The following DICER1 variants were observed in gnomAD, a reference collection of about 807,000 sequenced individuals.
DICER1 encodes dicer 1, ribonuclease III, also known as endoribonuclease Dicer.
In DICER1, 43 loss-of-function variants were observed where a neutral mutation model predicts 194.1. That is an observed-to-expected ratio of 0.22 (90% confidence interval 0.17 to 0.29). The LOEUF is 0.29. Among genes scored for constraint, DICER1 ranks in the 10% least tolerant of loss-of-function variants. The probability of loss-of-function intolerance (pLI) is 1.00; values close to 1 mark genes in which losing one functional copy is unlikely to be tolerated. For synonymous variants in DICER1, 832 were observed against 820.5 expected (o/e 1.01, Z -0.24); for missense variants, 1,608 against 2,317.0 (o/e 0.69, Z 6.28).
intron 13 of DICER1, among the ~76,000 whole-genome samples, chr14:95,111,748 G>A (rs985404365): frequency 1.3e-5 from 2 of 150,836 alleles, no homozygotes; most frequent in South Asian, 2.1e-4. Flanking sequence ...ATAGAAAATG[G>A]GTCCACTTAT....
intron 12 of DICER1, 37 bp from the exon 13 acceptor site, chr14:95,112,284 A>G (rs1372910716): frequency 1.3e-6 from 2 of 1,533,980 alleles, no homozygotes; most frequent in South Asian, 1.1e-5. Flanking sequence ...ATATATGCAC[A>G]TCGCTGTATT....
chr14:95,130,664 T>C (rs575576382), intron 4 of DICER1, among the ~76,000 whole-genome samples: 2 of 152,364 alleles, frequency 1.3e-5, no homozygotes, highest in African/African-American at 4.8e-5. Flanking sequence ...AGCACACTAG[T>C]AGGCTGGGCT....
intron 1 of DICER1, among the ~76,000 whole-genome samples, chr14:95,148,922 T>C (rs998774399): frequency 6.6e-6 from 1 of 152,184 alleles, no homozygotes; most frequent in Non-Finnish European, 1.5e-5. Context: ...CAAGTTTCTG[T>C]ACTTTACTCT....
intron 1 of DICER1, among the ~76,000 whole-genome samples, chr14:95,139,996 T>G (rs1894725358): frequency 6.6e-6 from 1 of 152,220 alleles, no homozygotes; most frequent in Non-Finnish European, 1.5e-5. Context: ...TGCCAATTTT[T>G]ACTTTCTTGG....
Position 95,115,864 on chromosome 14 carries a change from C to T in DICER1, c.1753-43G>A, listed in dbSNP as rs74899136. On this transcript the variant is annotated intron_variant, in intron 10 of 26. Transcript: ENST00000343455. ...AGAACTTATGATGAAAACACATCCTCTCTGCTGTATGCTGTCTGCCTCTGT... is the reference window on the plus strand; with the variant it reads ...AGAACTTATGATGAAAACACATCCTTTCTGCTGTATGCTGTCTGCCTCTGT... 4,388 of 1,599,436 alleles carry T rather than the reference C, an allele frequency of 2.7e-3. 187 individuals carry two copies. The East Asian group carries it at 0.079, about 29-fold the overall frequency.
At chr14:95,091,544 G>A (rs1889842728) in intron 24 of DICER1, 179 bp from the exon 25 acceptor site, 1 of 604,690 alleles carries the variant, frequency 1.7e-6, no homozygotes, top group Admixed American at 3.3e-5. Flanking sequence ...TTTTAAAAAA[G>A]TTTTTCAAAC....
At chr14:95,098,130 G>C (rs1448900063) in intron 22 of DICER1, among the ~76,000 whole-genome samples, 1 of 152,122 alleles carries the variant, frequency 6.6e-6, no homozygotes, top group Admixed American at 6.5e-5. Context: ...ATCACAAACT[G>C]TGTGATCCTG....
intron 5 of DICER1, 67 bp from the exon 6 acceptor site, chr14:95,129,699 C>T: frequency 1.4e-6 from 2 of 1,436,064 alleles, no homozygotes. Context: ...AGAGACATCG[C>T]CATATTAAAA....
chr14:95,125,040 C>T (rs1893288755), intron 7 of DICER1, among the ~76,000 whole-genome samples: 1 of 152,158 alleles, frequency 6.6e-6, no homozygotes, highest in Non-Finnish European at 1.5e-5. Flanking sequence ...CAAGGAAGAG[C>T]AATACAGTTT....
At chr14:95,152,185 G>A (rs773517037) in intron 1 of DICER1, among the ~76,000 whole-genome samples, 12 of 152,308 alleles carry the variant, frequency 7.9e-5, no homozygotes, top group Non-Finnish European at 1.3e-4. Context: ...CAAGGAGAAA[G>A]TCTGCAATAC....
chr14:95,142,457 C>G (rs998418995), intron 1 of DICER1, among the ~76,000 whole-genome samples: 1 of 152,156 alleles, frequency 6.6e-6, no homozygotes, highest in African/African-American at 2.4e-5. Context: ...GTGTCACCCT[C>G]TAGAGATGAT....
chr14:95,108,271 C>T lies in DICER1; in HGVS notation c.2436+53G>A, dbSNP rs752457801. ...ACTTACTACTAGTTTTTTTTTTTTT[C>T]CTTTTCCTAAGCAAGACGTTTTTGA... is the stretch of plus-strand genomic sequence containing the variant. On this transcript the variant is annotated intron_variant, in intron 15 of 26. Transcript: ENST00000343455. The T allele has an allele frequency of 2.5e-3, 3,631 of 1,457,238 alleles. 6 individuals are homozygous for T. Among genetic ancestry groups the T allele is most frequent in the Admixed American group, 4.2e-3 (220 of 52,520 alleles). 90.3% of individuals were successfully genotyped at this position (1,457,238 alleles called of 1,614,324 possible).
At chr14:95,140,189 CA>C (rs1221646838) in intron 1 of DICER1, among the ~76,000 whole-genome samples, 1 of 152,164 alleles carries the variant, frequency 6.6e-6, no homozygotes, top group East Asian at 1.9e-4. Context: ...AACTTACCCT[CA>C]TGAAACTAGT....
chr14:95,146,734 T>C (rs1436331439), intron 1 of DICER1, among the ~76,000 whole-genome samples: 4 of 151,902 alleles, frequency 2.6e-5, no homozygotes, highest in African/African-American at 7.3e-5. Context: ...AGTGGGAGGG[T>C]AGCATAGCCA....
rs556464130 is a variant in DICER1, at chr14:95,088,005, C to T, written c.*2493G>A. The T allele has an allele frequency of 2.0e-4, 47 of 232,928 alleles. 1 individual carries two copies. In the South Asian group the frequency reaches 3.6e-3, roughly 18 times the overall value. 14.4% of individuals were successfully genotyped at this position (232,928 alleles called of 1,614,324 possible). On this transcript the variant is annotated 3_prime_UTR_variant, in exon 27 of 27. Transcript: ENST00000343455. ...ACTTTACAGCATTAAAAATCAGCAG[C>T]ACAAAAGCGTTCATAACCATTTCAT...
intron 1 of DICER1, among the ~76,000 whole-genome samples, chr14:95,150,969 TCCTCCTGCCTTGG>T (rs954884433): frequency 4.6e-5 from 7 of 152,176 alleles, no homozygotes; most frequent in African/African-American, 1.7e-4. Flanking sequence ...GTTCTAGAGA[TCCTCCTGCCTTGG>T]CCTCCTAAAG....
chr14:95,122,432 C>A (rs1480916456), intron 8 of DICER1, among the ~76,000 whole-genome samples: 1 of 152,110 alleles, frequency 6.6e-6, no homozygotes, highest in Non-Finnish European at 1.5e-5. Context: ...TTTTGACTCC[C>A]AAAATGCTTT....
rs746134430 is a variant in DICER1, at chr14:95,090,458, T to A, written c.*40A>T. The A allele has an allele frequency of 6.2e-7, 1 of 1,607,102 alleles. No individual in the cohort carries two copies. Among genetic ancestry groups the A allele is most frequent in the South Asian group, 1.1e-5 (1 of 90,884 alleles). ...ATTTAAATAATTTTCCCCTTAATTTTTTTTGTTTTGTTTCTTGTTTTGAAT... is the reference window on the plus strand; with the variant it reads ...ATTTAAATAATTTTCCCCTTAATTTATTTTGTTTTGTTTCTTGTTTTGAAT... On this transcript the variant is annotated 3_prime_UTR_variant, in exon 27 of 27. Coordinates refer to ENST00000343455, the MANE Select transcript of DICER1 (RefSeq NM_177438.3).
chr14:95,130,554 G>C (rs1893867000), intron 4 of DICER1, among the ~76,000 whole-genome samples: 1 of 152,084 alleles, frequency 6.6e-6, no homozygotes, highest in Non-Finnish European at 1.5e-5. Flanking sequence ...GAACTGACAT[G>C]GTTTTCTGGA....
Sources: gnomAD v4.1 joint callset for allele counts (sites outside exome capture counted in the v4.1 genomes callset) on GRCh38, gnomAD v4.1.1 for gene constraint, MANE v1.5 for transcripts, NCBI Gene and HGNC (gene_info 2026-07-23, HGNC 2026-07-21) for gene names.